Variants in CACNA1D observed in about 807,000 individuals in gnomAD.
The protein encoded by CACNA1D is voltage-dependent L-type calcium channel subunit alpha-1D.
CACNA1D carries 55 observed loss-of-function variants against 257.1 expected under a neutral mutation model. That is an observed-to-expected ratio of 0.21 (90% CI 0.17 to 0.27). The LOEUF is 0.27. CACNA1D is among the 10% of genes least tolerant of loss of function. The pLI, the probability that CACNA1D is intolerant of heterozygous loss-of-function variation, is 1.00. For missense variants in CACNA1D, 1,876 were observed against 2,784.0 expected (o/e 0.67, Z 7.34); for synonymous variants, 980 against 1,014.9 (o/e 0.97, Z 0.65).
intron 5 of CACNA1D, among the ~76,000 whole-genome samples, chr3:53,661,917 TGA>T (rs1038858999): frequency 1.3e-5 from 2 of 152,218 alleles, no homozygotes; most frequent in African/African-American, 4.8e-5. Flanking sequence ...AATGTGAGTC[TGA>T]GTCTTGTATG....
At chr3:53,671,381 CAG>C (rs559546442) in intron 7 of CACNA1D, among the ~76,000 whole-genome samples, 1 of 152,338 alleles carries the variant, frequency 6.6e-6, no homozygotes, top group South Asian at 2.1e-4. Context: ...TGTTCCAACA[CAG>C]AGGGAAACAA....
At chr3:53,777,038 C>A in intron 37 of CACNA1D, 82 bp downstream of exon 37, 1 of 1,025,862 alleles carries the variant, frequency 9.7e-7, no homozygotes, top group Non-Finnish European at 1.5e-6. Flanking sequence ...GTGACACAGC[C>A]AGGCCTTCTG....
chr3:53,552,504 C>T (rs531351386), intron 3 of CACNA1D, among the ~76,000 whole-genome samples: 238 of 152,270 alleles, frequency 1.6e-3, no homozygotes, highest in South Asian at 8.5e-3. Context: ...CCTCAACCTC[C>T]CAAGTAGCTG....
chr3:53,509,217 A>G (rs556155478), intron 3 of CACNA1D, among the ~76,000 whole-genome samples: 7 of 152,070 alleles, frequency 4.6e-5, no homozygotes, highest in Non-Finnish European at 5.9e-5. Context: ...AAGAAACAGA[A>G]TAGCTGAAGA....
intron 30 of CACNA1D, among the ~76,000 whole-genome samples, chr3:53,768,269 G>A (rs1162842624): frequency 3.3e-5 from 5 of 152,108 alleles, no homozygotes; most frequent in Non-Finnish European, 5.9e-5. Flanking sequence ...TACATAAGTT[G>A]TGCACATTTC....
At chr3:53,663,777 GTCTCTCTCTC>G in intron 5 of CACNA1D, among the ~76,000 whole-genome samples, 1 of 149,476 alleles carries the variant, frequency 6.7e-6, no homozygotes, top group East Asian at 2.1e-4. Flanking sequence ...GGAAATAATC[GTCTCTCTCTC>G]TCTCTCTCTC....
At chr3:53,787,789 G>C (rs910960772) in intron 40 of CACNA1D, among the ~76,000 whole-genome samples, 1 of 152,170 alleles carries the variant, frequency 6.6e-6, no homozygotes, top group African/African-American at 2.4e-5. Context: ...GAAGGAGGCA[G>C]GGCAAAGAGG....
In CACNA1D at chr3:53,718,475, G is replaced by C. The variant is rs2094843972; in HGVS notation, c.1478+87G>C. 2.4e-6 allele frequency: 3 copies of C among 1,267,324 alleles called. No homozygotes were observed. In the East Asian group the frequency reaches 7.2e-5, roughly 30 times the overall value. 78.5% of individuals were successfully genotyped at this position (1,267,324 alleles called of 1,614,324 possible). Reference sequence around the variant, plus strand: ...GGAAGACCGCCCAGGCTGCAGCAGAGCCCCGGGCCATCGCCTTGGGTGTGG... The same window carrying C: ...GGAAGACCGCCCAGGCTGCAGCAGACCCCCGGGCCATCGCCTTGGGTGTGG... On this transcript the variant is annotated intron_variant, in intron 10 of 47. Transcript: ENST00000350061.
chr3:53,541,743 G>T (rs944938985), intron 3 of CACNA1D, among the ~76,000 whole-genome samples: 1 of 152,154 alleles, frequency 6.6e-6, no homozygotes, highest in Admixed American at 6.5e-5. Context: ...GAGGAAGGTG[G>T]AGTGTTGACT....
At chr3:53,599,529 A>G (rs994733837) in intron 3 of CACNA1D, among the ~76,000 whole-genome samples, 5 of 152,174 alleles carry the variant, frequency 3.3e-5, no homozygotes, top group Non-Finnish European at 7.4e-5. Flanking sequence ...CTTTAAAGTC[A>G]GACATACCTG....
intron 2 of CACNA1D, among the ~76,000 whole-genome samples, chr3:53,499,910 G>T (rs1293383295): frequency 6.6e-6 from 1 of 152,088 alleles, no homozygotes; most frequent in East Asian, 1.9e-4. Flanking sequence ...TGGGCTATCT[G>T]AAAGTTGGAT....
At chr3:53,809,023 G>A (rs973527902) in intron 46 of CACNA1D, 7 of 521,678 alleles carry the variant, frequency 1.3e-5, no homozygotes, top group African/African-American at 9.6e-5. Context: ...CACTGCCCAG[G>A]TGCCTCCCTG....
chr3:53,623,907 G>A (rs1244626194), intron 3 of CACNA1D, among the ~76,000 whole-genome samples: 1 of 152,218 alleles, frequency 6.6e-6, no homozygotes, highest in Non-Finnish European at 1.5e-5. Flanking sequence ...AGTAGAAGGA[G>A]ATTGGGAAAT....
chr3:53,692,927 G>C (rs1568335), intron 8 of CACNA1D, among the ~76,000 whole-genome samples: 8 of 152,012 alleles, frequency 5.3e-5, no homozygotes, highest in African/African-American at 1.9e-4. Flanking sequence ...ACATGGTGGC[G>C]CACACCTGTA....
intron 9 of CACNA1D, among the ~76,000 whole-genome samples, chr3:53,716,818 C>T (rs78939359): frequency 0.018 from 2,784 of 152,274 alleles, 90 homozygotes; most frequent in African/African-American, 0.063. Context: ...CACTCACAAG[C>T]GGAACGGATC....
At chr3:53,589,396 C>T (rs1214623684) in intron 3 of CACNA1D, among the ~76,000 whole-genome samples, 1 of 152,022 alleles carries the variant, frequency 6.6e-6, no homozygotes, top group African/African-American at 2.4e-5. Flanking sequence ...GTGTGGCTGT[C>T]CCTGCAGCAT....
At chr3:53,711,529 C>T (rs780575581) in intron 9 of CACNA1D, among the ~76,000 whole-genome samples, 2 of 152,218 alleles carry the variant, frequency 1.3e-5, no homozygotes, top group African/African-American at 4.8e-5. Context: ...CACAGTCGAC[C>T]CAGTTCTGCC....
Position 53,802,149 on chromosome 3 carries a change from C to A in CACNA1D, c.5411C>A (p.Thr1804Asn), listed in dbSNP as rs1195153415. The change falls in exon 43 of 48, where the codon ACC becomes AAC. Residue 1804 changes from threonine (T) to asparagine (N), a missense_variant and splice_region_variant. By Grantham distance (65) the Thr-to-Asn change is moderately conservative. Around this residue, in one of 10 missense-constraint regions of CACNA1D, gnomAD observed 491 missense variants for 554.3 expected, o/e 0.89. Coordinates refer to ENST00000350061, the MANE Select transcript of CACNA1D (RefSeq NM_001128840.3). Reference protein sequence around the residue: ...EPQRRSSVKRTRYYETYIRSD... With the variant: ...EPQRRSSVKRNRYYETYIRSD... ...CATGTTATGCCTTTCCTGGATAGAA[C>A]CCGCTATTATGAAACTTACATTAGG... 9 of 1,607,706 alleles carry A rather than the reference C, an allele frequency of 5.6e-6. No homozygotes were observed. Among genetic ancestry groups the A allele is most frequent in the Non-Finnish European group, 7.7e-6 (9 of 1,174,278 alleles).
rs2090391448 is a variant in CACNA1D at position 53,497,263 on chromosome 3, C to T, written c.179C>T (p.Ala60Val). ...TCTTGGCAAGCTGCAATCGATGCTG[C>T]TAGACAGGCCAAGGCTGCCCAAACT... ...VLSWQAAIDA[A>V]RQAKAAQTMS... Residue 60 changes from alanine (A) to valine (V), a missense_variant, in exon 2 of 48, where the codon GCT becomes GTT. Transcript: ENST00000350061. 6.2e-7 allele frequency: 1 copy of T among 1,614,208 alleles called. No homozygotes were observed. Among genetic ancestry groups the T allele is most frequent in the African/African-American group, 1.3e-5 (1 of 75,054 alleles).
Sources: allele counts gnomAD v4.1 joint callset (sites outside exome capture counted in the v4.1 genomes callset), GRCh38; gene constraint gnomAD v4.1.1; regional missense constraint gnomAD v4.1.1; transcripts MANE v1.5; gene names NCBI Gene and HGNC (gene_info 2026-07-23, HGNC 2026-07-21).